HABP4: variants seen among roughly 807,000 people sequenced by gnomAD.
HABP4 encodes the protein intracellular hyaluronan-binding protein 4.
HABP4 carries 32 observed loss-of-function variants against 44.1 expected under a neutral mutation model. The observed-to-expected ratio is 0.73, with a 90% CI of 0.55 to 0.97. The LOEUF (loss-of-function observed/expected upper bound fraction) is 0.97, where lower values mean the gene tolerates loss of function less well. HABP4 is among the 50% of genes least tolerant of loss of function. The pLI, the probability that HABP4 is intolerant of heterozygous loss-of-function variation, is 0.00. For synonymous variants in HABP4, 216 were observed against 218.0 expected (o/e 0.99, Z 0.08); for missense variants, 503 against 561.9 (o/e 0.90, Z 1.06).
Position 96,465,453 on chromosome 9 carries a change from A to G in HABP4, c.629A>G (p.Gln210Arg). The change falls in exon 3 of 8, where the codon CAG (glutamine) becomes CGG (arginine). Residue 210 changes from glutamine to arginine, a missense_variant. Around this residue, in one of 3 missense-constraint regions of HABP4, gnomAD observed 290 missense variants for 300.5 expected, o/e 0.97. Coordinates refer to ENST00000375249, the MANE Select transcript of HABP4 (RefSeq NM_014282.4). ...AACAGAGTTTTTGACGCTTTTGACC[A>G]GAGAGGAAAGCGAGAATTTGAAAGA... is the stretch of plus-strand genomic sequence containing the variant. ...PGNRVFDAFD[Q>R]RGKREFERYG... is the part of the protein sequence containing the mutation. The G allele has an allele frequency of 1.2e-6, 2 of 1,612,596 alleles. No individual in the cohort carries two copies. The highest frequency in any genetic ancestry group is 1.7e-6 in the Non-Finnish European group (2 of 1,178,514).
rs1410023600 is a variant in HABP4, at chr9:96,450,802, A to G, written c.349+174A>G. On this transcript the variant is annotated intron_variant, in intron 1 of 7. Coordinates refer to ENST00000375249, the MANE Select transcript of HABP4 (RefSeq NM_014282.4). This position sits in a 1 kb window ranked among gnomAD's most constrained non-coding sequence, Gnocchi z 4.8. ...GGTCACACCCCTTCCAGCTCTCGCC[A>G]GCCTCGTGCGGGGCTCCGGGGGAAA... Among the ~76,000 whole-genome samples, 1 of 152,102 alleles carries G rather than the reference A, an allele frequency of 6.6e-6. No individual in the cohort carries two copies. The highest frequency in any genetic ancestry group is 1.5e-5 in the Non-Finnish European group (1 of 68,012).
At chr9:96,470,182 G>A (rs1236514920) in intron 4 of HABP4, among the ~76,000 whole-genome samples, 1 of 152,104 alleles carries the variant, frequency 6.6e-6, no homozygotes, top group African/African-American at 2.4e-5. Context: ...GGTGGTGTGC[G>A]CCTGTAGTCC....
At chr9:96,457,849 G>A (rs1383593885) in intron 1 of HABP4, among the ~76,000 whole-genome samples, 3 of 152,122 alleles carry the variant, frequency 2.0e-5, no homozygotes, top group African/African-American at 7.2e-5. Flanking sequence ...TTCGGGCTGG[G>A]TGACAGAGCA....
intron 3 of HABP4, 102 bp from the exon 4 acceptor site, chr9:96,465,608 T>G (rs1832587191): frequency 8.7e-7 from 1 of 1,146,386 alleles, no homozygotes; most frequent in African/African-American, 1.5e-5. Context: ...CTGTTATTCT[T>G]GTGAGAAGCT....
intron 1 of HABP4, among the ~76,000 whole-genome samples, chr9:96,453,251 G>T (rs1239264487): frequency 2.6e-5 from 4 of 151,974 alleles, no homozygotes; most frequent in African/African-American, 7.3e-5. Context: ...ATATTTTTTA[G>T]TAGAGGCATG....
chr9:96,456,720 G>A (rs569637098), intron 1 of HABP4, among the ~76,000 whole-genome samples: 167 of 128,822 alleles, frequency 1.3e-3, no homozygotes, highest in African/African-American at 4.7e-3. Flanking sequence ...AGATGGCGCC[G>A]CTGTACTCCA....
chr9:96,450,477 G>A lies in HABP4; in HGVS notation c.198G>A (p.Gly66=). 2 of 1,215,906 alleles carry A rather than the reference G, an allele frequency of 1.6e-6. No individual in the cohort carries two copies. Among genetic ancestry groups the A allele is most frequent in the Admixed American group, 4.4e-5 (1 of 22,604 alleles). 75.3% of individuals were successfully genotyped at this position (1,215,906 alleles called of 1,614,324 possible). The change falls in exon 1 of 8, where the codon GGG becomes GGA. Residue 66 remains glycine (G), a synonymous_variant. Coordinates refer to ENST00000375249, the MANE Select transcript of HABP4 (RefSeq NM_014282.4). The surrounding 1 kb of genome is among the most constrained non-coding windows in gnomAD (Gnocchi z 4.8). The part of the protein sequence containing the change: ...KRRDEAAAAA[G]AGPRGGRSPA... ...GCGACGAGGCGGCGGCGGCGGCCGG[G>A]GCCGGTCCCCGCGGCGGCAGGAGCC...
intron 4 of HABP4, 41 bp downstream of exon 4, chr9:96,465,819 G>A: frequency 9.5e-7 from 1 of 1,053,678 alleles, no homozygotes. Context: ...CTGCAATTAA[G>A]TGGAAATCTC....
At position 96,450,727 on chromosome 9, in the gene HABP4, G is replaced by T; in HGVS notation, c.349+99G>T. ...AGGAGGAGGGGCCCGGGAACAGTAG[G>T]GAGAGTTGAGGGTCCTGGTGGCCGC... On this transcript the variant is annotated intron_variant, in intron 1 of 7. Transcript: ENST00000375249. The surrounding 1 kb of genome is among the most constrained non-coding windows in gnomAD (Gnocchi z 4.8). 1.0e-6 allele frequency: 1 copy of T among 992,222 alleles called. No individual in the cohort carries two copies. The allele number at this position is 992,222 out of a possible 1,614,324, so 61.5% of individuals were successfully genotyped here. A position where few individuals can be genotyped will look rare whatever the true frequency, so the allele number is the denominator to read the frequency against.
Position 96,488,456 on chromosome 9 carries a change from G to A in HABP4, c.1185+182G>A, listed in dbSNP as rs537602941. On this transcript the variant is annotated intron_variant, in intron 7 of 7. Coordinates refer to ENST00000375249, the MANE Select transcript of HABP4 (RefSeq NM_014282.4). This position sits in a 1 kb window ranked among gnomAD's most constrained non-coding sequence, Gnocchi z 4.6. The stretch of plus-strand genomic sequence containing the variant: ...ATCATGGACATCTTGCCTAGAGACC[G>A]TTCTGTAGCCCTGGCTTCCAGGGTC... Among the ~76,000 whole-genome samples the A allele has an allele frequency of 2.6e-5, 4 of 152,310 alleles. No homozygotes were observed. Among genetic ancestry groups the A allele is most frequent in the Middle Eastern group, 3.4e-3 (1 of 294 alleles).
rs781422591 is a variant in HABP4, at chr9:96,465,327, T to C, written c.513-10T>C. The C allele has an allele frequency of 1.3e-6, 2 of 1,588,214 alleles. No homozygotes were observed. Among genetic ancestry groups the C allele is most frequent in the South Asian group, 2.2e-5 (2 of 90,336 alleles). On this transcript the variant is annotated splice_polypyrimidine_tract_variant and intron_variant, in intron 2 of 7. Transcript: ENST00000375249. ...ATTTACCAGTTTTTATTATATCCAC[T>C]CCTTCCTAGACCAGGTGATAGGTTT...
Position 96,465,764 on chromosome 9 carries a change from G to A in HABP4, c.729G>A (p.Ser243=), listed in dbSNP as rs113400918. ...MGGCGVRTWG[S]GKDTSDVEPT... is the part of the protein sequence containing the mutation. ...GATGTGGAGTTCGAACCTGGGGATC[G>A]GGTAAAGATACCAGGTACGGTGTAA... Residue 243 remains serine (S), a synonymous_variant, in exon 4 of 8, where the codon TCG becomes TCA. Transcript: ENST00000375249. The A allele has an allele frequency of 5.7e-5, 90 of 1,571,686 alleles. No individual in the cohort carries two copies. In the African/African-American group the frequency reaches 1.1e-3, roughly 19 times the overall value.
At chr9:96,452,226 CAAA>C (rs74398822) in intron 1 of HABP4, among the ~76,000 whole-genome samples, 10 of 109,246 alleles carry the variant, frequency 9.2e-5, no homozygotes, top group South Asian at 5.6e-4. Flanking sequence ...GACTCCGTCA[CAAA>C]AAAAAAAAAA....
Position 96,488,053 on chromosome 9 carries a change from G to A in HABP4, c.1000-36G>A, listed in dbSNP as rs749397085. 4.1e-6 allele frequency: 6 copies of A among 1,465,424 alleles called. No individual in the cohort carries two copies. Among genetic ancestry groups the A allele is most frequent in the Admixed American group, 3.4e-5 (2 of 59,410 alleles). 90.8% of individuals were successfully genotyped at this position (1,465,424 alleles called of 1,614,324 possible). ...CCAGATGAGTGTGGGGATGGCTGTG[G>A]ACTTGTGCGTGTTTGATGCTGTAAT... On this transcript the variant is annotated intron_variant, in intron 6 of 7. Coordinates refer to ENST00000375249, the MANE Select transcript of HABP4 (RefSeq NM_014282.4). This position sits in a 1 kb window ranked among gnomAD's most constrained non-coding sequence, Gnocchi z 4.6.
chr9:96,477,441 C>T (rs1042163142), intron 5 of HABP4, among the ~76,000 whole-genome samples: 2 of 152,138 alleles, frequency 1.3e-5, no homozygotes, highest in Non-Finnish European at 2.9e-5. Flanking sequence ...TTTCTACCAA[C>T]TTCTGCCTCC....
intron 5 of HABP4, among the ~76,000 whole-genome samples, chr9:96,472,269 C>T (rs1832711483): frequency 6.6e-6 from 1 of 152,172 alleles, no homozygotes; most frequent in Admixed American, 6.5e-5. Context: ...AATTCCCGGT[C>T]ACTGATATTC....
intron 6 of HABP4, among the ~76,000 whole-genome samples, 188 bp downstream of exon 6, chr9:96,484,821 T>C (rs16910870): frequency 0.23 from 35,346 of 152,152 alleles, 5,118 homozygotes; most frequent in African/African-American, 0.41. Context: ...CTTGAGGTAT[T>C]GACAGATGCA....
chr9:96,484,203 G>A lies in HABP4; in HGVS notation c.828-259G>A, dbSNP rs577984205. Reference sequence around the variant, plus strand: ...GCCAGTGGTGAAGTGTGATGTTAATGTCATCAGGATGGTGATGTTCCCATT... The same window carrying A: ...GCCAGTGGTGAAGTGTGATGTTAATATCATCAGGATGGTGATGTTCCCATT... On this transcript the variant is annotated intron_variant, in intron 5 of 7. Coordinates refer to ENST00000375249, the MANE Select transcript of HABP4 (RefSeq NM_014282.4). 12 of 307,244 alleles carry A rather than the reference G, an allele frequency of 3.9e-5. 1 individual carries two copies. In the South Asian group the frequency reaches 7.7e-4, roughly 20 times the overall value. 19.0% of individuals were successfully genotyped at this position (307,244 alleles called of 1,614,324 possible).
At chr9:96,461,163 T>G (rs1413627390) in intron 2 of HABP4, among the ~76,000 whole-genome samples, 2 of 152,160 alleles carry the variant, frequency 1.3e-5, no homozygotes, top group African/African-American at 4.8e-5. Context: ...TAAAAAGTTC[T>G]GGAGAAGAAT....
Sources: gnomAD v4.1 joint callset for allele counts (sites outside exome capture counted in the v4.1 genomes callset) on GRCh38, gnomAD v4.1.1 for gene constraint, gnomAD v4.1.1 regional missense constraint, Gnocchi (gnomAD v3.1) non-coding constraint, MANE v1.5 for transcripts, NCBI Gene and HGNC (gene_info 2026-07-23, HGNC 2026-07-21) for gene names.